Variants in SDK2 observed in about 807,000 individuals in gnomAD.
SDK2 encodes protein sidekick-2.
A neutral mutation model predicts 253.9 loss-of-function variants in SDK2; 105 were observed. That is an observed-to-expected ratio of 0.41 (90% CI 0.35 to 0.49). The LOEUF (loss-of-function observed/expected upper bound fraction) is 0.49, where lower values mean the gene tolerates loss of function less well. Among genes scored for constraint, SDK2 ranks in the 20% least tolerant of loss-of-function variants. SDK2 has a pLI of 0.06. For missense variants in SDK2, 2,608 were observed against 3,003.0 expected (o/e 0.87, Z 3.07); for synonymous variants, 1,249 against 1,234.9 (o/e 1.01, Z -0.24).
At chr17:73,417,111 T>C (rs974608970) in intron 16 of SDK2, among the ~76,000 whole-genome samples, 1 of 151,846 alleles carries the variant, frequency 6.6e-6, no homozygotes, top group Non-Finnish European at 1.5e-5. Context: ...TCAAAAATTA[T>C]ATGTGGATTG....
intron 2 of SDK2, among the ~76,000 whole-genome samples, chr17:73,503,547 T>C (rs1180106160): frequency 6.6e-6 from 1 of 152,190 alleles, no homozygotes; most frequent in African/African-American, 2.4e-5. Flanking sequence ...TTTACAGTAC[T>C]AACGATTTTA....
intron 28 of SDK2, 31 bp downstream of exon 28, chr17:73,391,409 C>T: frequency 8.1e-7 from 1 of 1,234,046 alleles, no homozygotes; most frequent in Non-Finnish European, 1.0e-6. Flanking sequence ...CTTCTTCCTG[C>T]AGCCGGGGCA....
chr17:73,606,804 A>T (rs1189400555), intron 1 of SDK2, among the ~76,000 whole-genome samples: 1 of 152,190 alleles, frequency 6.6e-6, no homozygotes. Flanking sequence ...AGTCACGGAA[A>T]CATATTCTCC....
Position 73,494,113 on chromosome 17 carries a change from C to T in SDK2, c.224+13325G>A, listed in dbSNP as rs1018689730. ...GCCCAGCCTGACCAGGGAAATGACA[C>T]TGAGTGAAATTGATGTTGGCACCTT... On this transcript the variant is annotated intron_variant, in intron 2 of 44. Transcript: ENST00000392650. Among the ~76,000 whole-genome samples, 48 of 152,202 alleles carry T rather than the reference C, an allele frequency of 3.2e-4. 1 individual carries two copies. The highest frequency in any genetic ancestry group is 3.1e-3 in the Admixed American group (48 of 15,280).
chr17:73,360,424 G>A (rs2062630869), intron 39 of SDK2, among the ~76,000 whole-genome samples: 1 of 152,200 alleles, frequency 6.6e-6, no homozygotes, highest in Admixed American at 6.5e-5. Context: ...GCCATTCTTG[G>A]CTGAAGGGGG....
rs369708428 is a variant in SDK2 at position 73,395,252 on chromosome 17, C to T, written c.3495G>A (p.Leu1165=). 9 of 1,613,688 alleles carry T rather than the reference C, an allele frequency of 5.6e-6. No individual in the cohort carries two copies. Among genetic ancestry groups the T allele is most frequent in the Non-Finnish European group, 7.6e-6 (9 of 1,179,854 alleles). Residue 1165 remains leucine, a synonymous_variant, in exon 25 of 45, where the codon CTG becomes CTA. Transcript: ENST00000392650. The surrounding 1 kb of genome is among the most constrained non-coding windows in gnomAD (Gnocchi z 4.3). ...GGACGCGGTACTCTGTCCACTCCTC[C>T]AGGTCCTCGATGGTGTAGTCCCGCT... is the stretch of plus-strand genomic sequence containing the variant. ...RVERDYTIED[L]EEWTEYRVQV... is the part of the protein sequence containing the mutation.
At chr17:73,497,668 T>C (rs2063853833) in intron 2 of SDK2, among the ~76,000 whole-genome samples, 1 of 151,340 alleles carries the variant, frequency 6.6e-6, no homozygotes, top group Non-Finnish European at 1.5e-5. Context: ...CCCACCAAGA[T>C]GGCCCAGCCG....
intron 1 of SDK2, among the ~76,000 whole-genome samples, chr17:73,540,906 A>G (rs1182788185): frequency 3.3e-5 from 5 of 152,240 alleles, no homozygotes; most frequent in Non-Finnish European, 2.9e-5. Flanking sequence ...TCCCTGGGGC[A>G]GGAGCTGGGG....
chr17:73,574,430 C>T (rs1263110885), intron 1 of SDK2, among the ~76,000 whole-genome samples: 1 of 152,234 alleles, frequency 6.6e-6, no homozygotes, highest in African/African-American at 2.4e-5. Context: ...CACATGTGTA[C>T]GTGCACACAC....
chr17:73,641,148 G>C, intron 1 of SDK2: 1 of 152,218 alleles, frequency 6.6e-6, no homozygotes, highest in Non-Finnish European at 1.5e-5. Context: ...AAGAATTCAA[G>C]GTCTTATTGG....
At chr17:73,412,029 T>G (rs376415036) in intron 18 of SDK2, among the ~76,000 whole-genome samples, 2,924 of 54,740 alleles carry the variant, frequency 0.053, 171 homozygotes, top group African/African-American at 0.17. Flanking sequence ...CGTATATGTA[T>G]ATATACGTAT....
intron 25 of SDK2, among the ~76,000 whole-genome samples, 156 bp downstream of exon 25, chr17:73,394,999 G>A (rs745599253): frequency 6.6e-6 from 1 of 152,114 alleles, no homozygotes; most frequent in South Asian, 2.1e-4. Context: ...TGGGAGAGGC[G>A]GCAACATCAT....
chr17:73,635,972 A>AAGGAAG (rs2046324614), intron 1 of SDK2, among the ~76,000 whole-genome samples: 1 of 152,110 alleles, frequency 6.6e-6, no homozygotes, highest in Admixed American at 6.5e-5. Context: ...GGAGGAGGAA[A>AAGGAAG]AGGAAGAGGA....
rs150284377 is a variant in SDK2 at position 73,459,954 on chromosome 17, C to G, written c.332-3901G>C. ...ATGATATGTGTATGTCAGGCTGTGT[C>G]TCTCCAGGGATGGCTGCATCAATAT... On this transcript the variant is annotated intron_variant, in intron 3 of 44. Transcript: ENST00000392650. Among the ~76,000 whole-genome samples the G allele has an allele frequency of 4.8e-3, 736 of 152,254 alleles. 9 individuals carry two copies. The highest frequency in any genetic ancestry group is 0.017 in the African/African-American group (691 of 41,542).
At position 73,438,070 on chromosome 17, in the gene SDK2, G is replaced by A. The variant is rs1009973007; in HGVS notation, c.810C>T (p.Thr270=). Residue 270 remains threonine (T), a synonymous_variant, in exon 7 of 45, where the codon ACC becomes ACT. Transcript: ENST00000392650. ...CGTCACTGCCGGTGGGGTTGGGGATGGTGAGCCGGCGGTTGTGGTCACTGA... is the reference window on the plus strand; with the variant it reads ...CGTCACTGCCGGTGGGGTTGGGGATAGTGAGCCGGCGGTTGTGGTCACTGA... The part of the protein sequence containing the change: ...GGISDHNRRL[T]IPNPTGSDAG... 1.3e-6 allele frequency: 2 copies of A among 1,551,582 alleles called. No individual in the cohort carries two copies. Among genetic ancestry groups the A allele is most frequent in the African/African-American group, 2.7e-5 (2 of 73,066 alleles).
intron 1 of SDK2, among the ~76,000 whole-genome samples, chr17:73,594,186 G>GCA (rs2045722355): frequency 6.6e-6 from 1 of 152,206 alleles, no homozygotes; most frequent in African/African-American, 2.4e-5. Context: ...GCTGAGTGTT[G>GCA]GACAGCGGGA....
intron 1 of SDK2, among the ~76,000 whole-genome samples, chr17:73,599,360 C>T (rs1296013290): frequency 1.3e-5 from 2 of 152,190 alleles, no homozygotes; most frequent in Middle Eastern, 3.4e-3. Flanking sequence ...GGCGAAACCC[C>T]ATCTCTACCA....
At chr17:73,457,253 T>C (rs1241381738) in intron 3 of SDK2, among the ~76,000 whole-genome samples, 2 of 59,710 alleles carry the variant, frequency 3.3e-5, no homozygotes, top group African/African-American at 1.8e-4. Context: ...CTTCCTTCCT[T>C]CCTTCCTTCC....
intron 44 of SDK2, among the ~76,000 whole-genome samples, chr17:73,341,405 G>A (rs1273151918): frequency 6.6e-6 from 1 of 151,916 alleles, no homozygotes; most frequent in African/African-American, 2.4e-5. Context: ...TGTTTTGAGA[G>A]CTAATAAGAC....
Sources: allele counts gnomAD v4.1 joint callset (sites outside exome capture counted in the v4.1 genomes callset), GRCh38; gene constraint gnomAD v4.1.1; non-coding constraint Gnocchi (gnomAD v3.1); transcripts MANE v1.5; gene names NCBI Gene and HGNC (gene_info 2026-07-23, HGNC 2026-07-21).